Variants in ASIC2 observed in about 807,000 individuals in gnomAD.
The protein encoded by ASIC2 is acid sensing ion channel subunit 2, also known as acid-sensing ion channel 2.
Under a neutral mutation model 57.3 loss-of-function variants are expected in ASIC2, and 25 were observed. That is an observed-to-expected ratio of 0.44 (90% confidence interval 0.32 to 0.61). ASIC2 has a LOEUF of 0.61. ASIC2 is among the 20% of genes least tolerant of loss of function. ASIC2 has a pLI of 0.06. For synonymous variants in ASIC2, 319 were observed against 307.5 expected (o/e 1.04, Z -0.39); for missense variants, 641 against 738.1 (o/e 0.87, Z 1.52).
intron 1 of ASIC2, among the ~76,000 whole-genome samples, chr17:33,560,954 A>C (rs4363900): frequency 1.3e-5 from 2 of 151,880 alleles, no homozygotes; most frequent in Non-Finnish European, 2.9e-5. Context: ...AAAATACCAC[A>C]TCGCCTCCCT....
intron 1 of ASIC2, among the ~76,000 whole-genome samples, chr17:33,119,397 T>A (rs545782329): frequency 1.2e-4 from 18 of 152,386 alleles, no homozygotes; most frequent in Middle Eastern, 3.4e-3. Context: ...CATTTAGTTT[T>A]GTTTTGTTTT....
intron 1 of ASIC2, among the ~76,000 whole-genome samples, chr17:33,390,483 C>T (rs1909850565): frequency 6.6e-6 from 1 of 152,150 alleles, no homozygotes; most frequent in South Asian, 2.1e-4. Flanking sequence ...AAAAAACTCA[C>T]CATGTATTAT....
intron 1 of ASIC2, among the ~76,000 whole-genome samples, chr17:33,970,743 G>T (rs182890049): frequency 6.6e-6 from 1 of 152,178 alleles, no homozygotes; most frequent in Non-Finnish European, 1.5e-5. Flanking sequence ...GTGAGCACAC[G>T]CAGAGCCAGC....
At chr17:34,072,645 T>C (rs1022243845) in intron 1 of ASIC2, among the ~76,000 whole-genome samples, 1 of 152,192 alleles carries the variant, frequency 6.6e-6, no homozygotes, top group Non-Finnish European at 1.5e-5. Flanking sequence ...CTAGTCTTTT[T>C]AATTAATTCC....
At chr17:33,271,158 C>A (rs937913695) in intron 1 of ASIC2, among the ~76,000 whole-genome samples, 1 of 152,124 alleles carries the variant, frequency 6.6e-6, no homozygotes, top group African/African-American at 2.4e-5. Context: ...GGGTCAGTGC[C>A]CTCTAGATTT....
At chr17:33,516,930 C>G (rs1189058154) in intron 1 of ASIC2, among the ~76,000 whole-genome samples, 7 of 152,190 alleles carry the variant, frequency 4.6e-5, no homozygotes, top group African/African-American at 1.7e-4. Context: ...TCTCTGGCTC[C>G]TTTGTCAAAA....
At chr17:33,464,506 T>TC in intron 1 of ASIC2, among the ~76,000 whole-genome samples, 1 of 37,662 alleles carries the variant, frequency 2.7e-5, no homozygotes, top group Non-Finnish European at 5.8e-5. Flanking sequence ...CTTTCTTTCT[T>TC]TCTTTCTTTC....
intron 1 of ASIC2, among the ~76,000 whole-genome samples, chr17:33,518,182 C>T (rs2141953430): frequency 6.6e-6 from 1 of 152,330 alleles, no homozygotes; most frequent in Middle Eastern, 3.4e-3. Context: ...TCCTGAGCTC[C>T]TCAATAACGC....
chr17:33,314,987 A>AG (rs776651546), intron 1 of ASIC2, among the ~76,000 whole-genome samples: 9 of 152,226 alleles, frequency 5.9e-5, no homozygotes, highest in Non-Finnish European at 8.8e-5. Context: ...CTTGTGGCAG[A>AG]GAAAAAAGTA....
intron 1 of ASIC2, among the ~76,000 whole-genome samples, chr17:33,564,731 A>T (rs983209199): frequency 6.6e-6 from 1 of 152,216 alleles, no homozygotes; most frequent in Non-Finnish European, 1.5e-5. Flanking sequence ...CAGCACTGTA[A>T]CATGTTCATA....
At chr17:33,574,897 C>A (rs191599562) in intron 1 of ASIC2, among the ~76,000 whole-genome samples, 26 of 146,766 alleles carry the variant, frequency 1.8e-4, no homozygotes, top group Admixed American at 1.6e-3. Flanking sequence ...TGTTAATATT[C>A]ATATTTTATA....
At chr17:33,387,040 A>C (rs1909709770) in intron 1 of ASIC2, among the ~76,000 whole-genome samples, 1 of 152,020 alleles carries the variant, frequency 6.6e-6, no homozygotes, top group Non-Finnish European at 1.5e-5. Context: ...GGCCCCTGCC[A>C]CCAAGCCCGG....
At chr17:33,038,747 A>G (rs1410487941) in intron 3 of ASIC2, among the ~76,000 whole-genome samples, 1 of 152,182 alleles carries the variant, frequency 6.6e-6, no homozygotes, top group Non-Finnish European at 1.5e-5. Flanking sequence ...CATTTTGTAG[A>G]GAGAAGCTGA....
At chr17:33,656,678 C>G (rs1907087120) in intron 1 of ASIC2, among the ~76,000 whole-genome samples, 1 of 152,192 alleles carries the variant, frequency 6.6e-6, no homozygotes, top group East Asian at 1.9e-4. Context: ...AACCTCCAAG[C>G]CTGTGTCTTG....
chr17:33,247,547 G>A (rs1016545041), intron 1 of ASIC2, among the ~76,000 whole-genome samples: 4 of 152,168 alleles, frequency 2.6e-5, no homozygotes, highest in Non-Finnish European at 2.9e-5. Flanking sequence ...TGGAGGAAGC[G>A]TTTCCAGGGA....
intron 1 of ASIC2, chr17:33,932,493 C>A (rs933986989): frequency 2.0e-5 from 3 of 151,598 alleles, no homozygotes; most frequent in Admixed American, 6.6e-5. Flanking sequence ...CACTTGAGGT[C>A]ACCTGAAGTT....
At chr17:33,261,218 A>G (rs991386628) in intron 1 of ASIC2, among the ~76,000 whole-genome samples, 2 of 152,174 alleles carry the variant, frequency 1.3e-5, no homozygotes, top group African/African-American at 4.8e-5. Flanking sequence ...TTCCTAGCTT[A>G]GTTATCAGAA....
intron 1 of ASIC2, among the ~76,000 whole-genome samples, chr17:33,790,435 A>C (rs1911737947): frequency 2.0e-5 from 3 of 152,238 alleles, no homozygotes. Flanking sequence ...TGGGTCAAGC[A>C]GCTAATTAAT....
chr17:33,491,686 G>A (rs183285705), intron 1 of ASIC2, among the ~76,000 whole-genome samples: 36 of 152,266 alleles, frequency 2.4e-4, no homozygotes, highest in Admixed American at 7.2e-4. Flanking sequence ...TTGGCTGAAC[G>A]ATCTCATCCC....
Sources: gnomAD v4.1 joint callset for allele counts (sites outside exome capture counted in the v4.1 genomes callset) on GRCh38, gnomAD v4.1.1 for gene constraint, MANE v1.5 for transcripts, NCBI Gene and HGNC (gene_info 2026-07-23, HGNC 2026-07-21) for gene names.